The following IKZF3 variants were observed in gnomAD, a reference collection of about 807,000 sequenced individuals.
IKZF3 encodes the protein IKAROS family zinc finger 3.
IKZF3 carries 10 observed loss-of-function variants against 49.0 expected under a neutral mutation model. The ratio of observed to expected loss-of-function variants is 0.20; its 90% CI spans 0.13 to 0.35. The LOEUF is 0.35. Among genes scored for constraint, IKZF3 ranks in the 10% least tolerant of loss-of-function variants. IKZF3 has a pLI of 1.00. For synonymous variants in IKZF3, 209 were observed against 228.2 expected (o/e 0.92, Z 0.76); for missense variants, 498 against 664.8 (o/e 0.75, Z 2.76).
At chr17:39,767,155 T>A (rs768704094) in intron 7 of IKZF3, among the ~76,000 whole-genome samples, 1 of 152,118 alleles carries the variant, frequency 6.6e-6, no homozygotes, top group Non-Finnish European at 1.5e-5. Context: ...TGAGAAGAGA[T>A]CATGGTCTTT....
intron 3 of IKZF3, among the ~76,000 whole-genome samples, chr17:39,827,301 G>C (rs1173156746): frequency 6.7e-6 from 1 of 148,726 alleles, no homozygotes; most frequent in Admixed American, 6.7e-5. Context: ...CCGGCCTGTT[G>C]TTGTTCTTTT....
chr17:39,832,750 T>C (rs951444990), intron 1 of IKZF3, among the ~76,000 whole-genome samples: 21 of 151,518 alleles, frequency 1.4e-4, no homozygotes, highest in African/African-American at 5.1e-4. Context: ...TGAAGAGAGA[T>C]TAGTTAATGG....
chr17:39,846,774 A>T (rs1457372551), intron 1 of IKZF3, among the ~76,000 whole-genome samples: 1 of 152,092 alleles, frequency 6.6e-6, no homozygotes, highest in Non-Finnish European at 1.5e-5. Context: ...TTACCATTGA[A>T]TTAAGAATAT....
Position 39,832,044 on chromosome 17 carries a change from T to C in IKZF3, c.61+54A>G. The C allele has an allele frequency of 4.7e-6, 6 of 1,290,288 alleles. No homozygotes were observed. In the South Asian group the frequency reaches 6.2e-5, roughly 13 times the overall value. The allele number at this position is 1,290,288 out of a possible 1,614,324, so 79.9% of individuals were successfully genotyped here. A position where few individuals can be genotyped will look rare whatever the true frequency, so the allele number is the denominator to read the frequency against. ...CCAGAATAAGCACATTCCTCTCTCT[T>C]TGGTATTTTTTTTAGTAAAGGTATA... On this transcript the variant is annotated intron_variant, in intron 2 of 7. Transcript: ENST00000346872.
At chr17:39,774,321 A>T (rs780014867) in intron 7 of IKZF3, among the ~76,000 whole-genome samples, 1 of 152,080 alleles carries the variant, frequency 6.6e-6, no homozygotes, top group Non-Finnish European at 1.5e-5. Flanking sequence ...TCTTCAAAAA[A>T]CAGTGCCTTG....
intron 1 of IKZF3, among the ~76,000 whole-genome samples, chr17:39,833,251 A>C (rs2062167623): frequency 6.6e-6 from 1 of 152,190 alleles, no homozygotes. Flanking sequence ...TCTGTTTACA[A>C]GATTTTAAAA....
chr17:39,838,484 TGAG>T (rs770258572), intron 1 of IKZF3, among the ~76,000 whole-genome samples: 14 of 152,346 alleles, frequency 9.2e-5, no homozygotes, highest in South Asian at 4.1e-4. Flanking sequence ...ATTTCTCTGC[TGAG>T]GTTTTCTATT....
chr17:39,769,511 G>GT (rs1449939927), intron 7 of IKZF3, among the ~76,000 whole-genome samples: 1 of 152,176 alleles, frequency 6.6e-6, no homozygotes, highest in Non-Finnish European at 1.5e-5. Flanking sequence ...AGTAATCAAT[G>GT]TTTTTTATTT....
intron 3 of IKZF3, among the ~76,000 whole-genome samples, chr17:39,823,418 T>C (rs761523508): frequency 6.6e-6 from 1 of 152,052 alleles, no homozygotes; most frequent in Non-Finnish European, 1.5e-5. Context: ...GACAATGTGA[T>C]AGAAAAGAAA....
At chr17:39,861,400 T>C (rs1299031499) in intron 1 of IKZF3, among the ~76,000 whole-genome samples, 1 of 152,076 alleles carries the variant, frequency 6.6e-6, no homozygotes, top group African/African-American at 2.4e-5. Context: ...TCTTGAAAGA[T>C]GAGTAGGCAT....
intron 1 of IKZF3, among the ~76,000 whole-genome samples, chr17:39,849,661 A>C (rs2144490606): frequency 6.6e-6 from 1 of 151,916 alleles, no homozygotes; most frequent in African/African-American, 2.4e-5. Flanking sequence ...CAGGAAAAAA[A>C]ACAAAACAAA....
rs982511703 is a variant in IKZF3 at position 39,763,308 on chromosome 17, T to C, written c.*2482A>G. On this transcript the variant is annotated 3_prime_UTR_variant, in exon 8 of 8. Coordinates refer to ENST00000346872, the MANE Select transcript of IKZF3 (RefSeq NM_012481.5). ...GAACATTTTAATTACTGGCAGCACA[T>C]AGACGAGTTGAGTTGGAGCCGAATG... 4.6e-5 allele frequency: 7 copies of C among 152,304 alleles called. No homozygotes were observed. Among genetic ancestry groups the C allele is most frequent in the African/African-American group, 7.2e-5 (3 of 41,552 alleles). 9.4% of individuals were successfully genotyped at this position (152,304 alleles called of 1,614,324 possible).
intron 3 of IKZF3, among the ~76,000 whole-genome samples, chr17:39,803,931 C>T (rs2061379145): frequency 6.6e-6 from 1 of 152,124 alleles, no homozygotes; most frequent in Non-Finnish European, 1.5e-5. Context: ...CTGACTGTCA[C>T]AATACCAAAC....
At chr17:39,791,366 C>T (rs1475665522) in intron 5 of IKZF3, 50 bp downstream of exon 5, 2 of 1,584,996 alleles carry the variant, frequency 1.3e-6, no homozygotes, top group Non-Finnish European at 1.7e-6. Flanking sequence ...CCACACTGGG[C>T]TCTGAGGAAT....
At chr17:39,835,070 GC>G (rs1005255085) in intron 1 of IKZF3, 3 of 421,988 alleles carry the variant, frequency 7.1e-6, no homozygotes, top group Non-Finnish European at 4.6e-6. Flanking sequence ...AGGAGCTGGA[GC>G]CCCCGCCAGA....
At chr17:39,826,299 T>C (rs917014276) in intron 3 of IKZF3, among the ~76,000 whole-genome samples, 5 of 152,168 alleles carry the variant, frequency 3.3e-5, no homozygotes, top group African/African-American at 1.2e-4. Context: ...TGCCTTGGCC[T>C]CCCAAAGTGT....
chr17:39,790,975 C>A (rs2061003919), intron 5 of IKZF3, among the ~76,000 whole-genome samples: 1 of 151,928 alleles, frequency 6.6e-6, no homozygotes. Context: ...AAGTAGCCCC[C>A]AAACAATGAT....
chr17:39,835,070 G>GC (rs1005255085), intron 1 of IKZF3: 5 of 421,870 alleles, frequency 1.2e-5, no homozygotes, highest in African/African-American at 1.0e-4. Flanking sequence ...AGGAGCTGGA[G>GC]CCCCCGCCAG....
At chr17:39,836,680 T>C (rs925043389) in intron 1 of IKZF3, among the ~76,000 whole-genome samples, 12 of 152,194 alleles carry the variant, frequency 7.9e-5, no homozygotes, top group Admixed American at 1.3e-4. Context: ...CTATAAAATA[T>C]ATCTTTAATT....
Sources: gnomAD v4.1 joint callset for allele counts (sites outside exome capture counted in the v4.1 genomes callset) on GRCh38, gnomAD v4.1.1 for gene constraint, MANE v1.5 for transcripts, NCBI Gene and HGNC (gene_info 2026-07-23, HGNC 2026-07-21) for gene names.